SORCS3: variants seen among roughly 807,000 people sequenced by gnomAD.
SORCS3 encodes sortilin related VPS10 domain containing receptor 3.
In SORCS3, 57 loss-of-function variants were observed where a neutral mutation model predicts 146.3. The observed-to-expected ratio is 0.39, with a 90% CI of 0.31 to 0.49. SORCS3 has a LOEUF of 0.49. Ranked by LOEUF, SORCS3 falls within the 20% of genes least tolerant of loss-of-function variation. SORCS3 has a pLI of 0.92. For synonymous variants in SORCS3, 653 were observed against 618.5 expected (o/e 1.06, Z -0.83); for missense variants, 1,341 against 1,575.5 (o/e 0.85, Z 2.52).
At chr10:104,994,841 T>C (rs896648674) in intron 4 of SORCS3, among the ~76,000 whole-genome samples, 6 of 152,210 alleles carry the variant, frequency 3.9e-5, no homozygotes, top group Non-Finnish European at 8.8e-5. Context: ...AGTTTATCCA[T>C]CCACATGTTA....
intron 5 of SORCS3, among the ~76,000 whole-genome samples, chr10:105,089,325 T>C (rs1306790550): frequency 6.6e-6 from 1 of 152,140 alleles, no homozygotes; most frequent in African/African-American, 2.4e-5. Flanking sequence ...ACTGAGGCAA[T>C]ACCGTGTTCC....
intron 1 of SORCS3, among the ~76,000 whole-genome samples, chr10:104,779,859 C>T (rs146418978): frequency 8.6e-4 from 131 of 152,248 alleles, no homozygotes; most frequent in Middle Eastern, 3.4e-3. Flanking sequence ...CCGCGCGCTC[C>T]GCCATGTTGA....
intron 1 of SORCS3, among the ~76,000 whole-genome samples, chr10:104,803,591 TTCTATAA>T (rs1329575482): frequency 1.3e-5 from 2 of 152,192 alleles, no homozygotes; most frequent in African/African-American, 4.8e-5. Flanking sequence ...TGTAAGCACT[TTCTATAA>T]TCCTGTGTGT....
At chr10:105,218,899 C>T (rs2056680964) in intron 19 of SORCS3, among the ~76,000 whole-genome samples, 1 of 152,100 alleles carries the variant, frequency 6.6e-6, no homozygotes, top group African/African-American at 2.4e-5. Context: ...CCTGTAGTCC[C>T]AGCTACTAGG....
chr10:105,221,796 T>G (rs1417535153), intron 19 of SORCS3, among the ~76,000 whole-genome samples: 1 of 152,170 alleles, frequency 6.6e-6, no homozygotes, highest in East Asian at 1.9e-4. Context: ...CTTCAATTAC[T>G]TGTTCTTATC....
At chr10:104,642,022 G>GGGGCGGGGCCCCCC in intron 1 of SORCS3, 68 bp downstream of exon 1, 1 of 173,336 alleles carries the variant, frequency 5.8e-6, no homozygotes. Flanking sequence ...GGGTGGGTGG[G>GGGGCGGGGCCCCCC]AGCGAGGGAC....
Position 104,908,530 on chromosome 10 carries a change from G to C in SORCS3, c.696-7303G>C, listed in dbSNP as rs139684129. ...ACTCTATTGTCTGAGCTGAGGTTCA[G>C]AGACATGAAAAGCTTGCACAGCTAG... On this transcript the variant is annotated intron_variant, in intron 2 of 26. Coordinates refer to ENST00000369701, the MANE Select transcript of SORCS3 (RefSeq NM_014978.3). 5.6e-3 allele frequency among the ~76,000 whole-genome samples: 858 copies of C among 152,290 alleles called. 10 individuals carry two copies. The highest frequency in any genetic ancestry group is 0.02 in the South Asian group (95 of 4,820).
chr10:104,737,589 G>A (rs2016789588), intron 1 of SORCS3, among the ~76,000 whole-genome samples: 1 of 152,192 alleles, frequency 6.6e-6, no homozygotes, highest in African/African-American at 2.4e-5. Flanking sequence ...TTTGAGAAGT[G>A]TCTGTTCATA....
Position 105,217,028 on chromosome 10 carries a change from G to GCACA in SORCS3, c.2643_2644insACAC (p.Val882ThrfsTer4). On this transcript the variant is annotated frameshift_variant, in exon 19 of 27. Coordinates refer to ENST00000369701, the MANE Select transcript of SORCS3 (RefSeq NM_014978.3). LOFTEE classifies it high-confidence loss of function. Reference sequence around the variant, plus strand: ...TCAGCCCCATCGAGGACGGCATCAAGCACGTGTATAAGAGTGCGGGGATCT... The same window carrying GCACA: ...TCAGCCCCATCGAGGACGGCATCAAGCACACACGTGTATAAGAGTGCGGGGATCT... 1 of 1,614,172 alleles carries GCACA rather than the reference G, an allele frequency of 6.2e-7. No homozygotes were observed. The highest frequency in any genetic ancestry group is 8.5e-7 in the Non-Finnish European group (1 of 1,180,020).
chr10:105,222,203 C>T (rs906040844), intron 19 of SORCS3, among the ~76,000 whole-genome samples: 4 of 151,770 alleles, frequency 2.6e-5, no homozygotes, highest in Non-Finnish European at 5.9e-5. Context: ...GGATTAAAAG[C>T]GGCTGCCACC....
At chr10:104,906,574 C>T (rs1191496679) in intron 2 of SORCS3, among the ~76,000 whole-genome samples, 1 of 152,198 alleles carries the variant, frequency 6.6e-6, no homozygotes, top group East Asian at 1.9e-4. Context: ...AAGAACACAA[C>T]ATTTAGATTC....
At chr10:105,247,857 A>G (rs2056876557) in intron 22 of SORCS3, among the ~76,000 whole-genome samples, 1 of 152,184 alleles carries the variant, frequency 6.6e-6, no homozygotes, top group African/African-American at 2.4e-5. Flanking sequence ...AACTGGCCCA[A>G]TGTTTATTAT....
intron 1 of SORCS3, among the ~76,000 whole-genome samples, chr10:104,825,231 C>T (rs779254060): frequency 1.1e-4 from 17 of 152,120 alleles, no homozygotes; most frequent in Admixed American, 3.9e-4. Context: ...TGCATGCTGA[C>T]GGCTTACTGT....
At chr10:105,029,841 T>A (rs1398666005) in intron 4 of SORCS3, among the ~76,000 whole-genome samples, 1 of 152,218 alleles carries the variant, frequency 6.6e-6, no homozygotes, top group Non-Finnish European at 1.5e-5. Flanking sequence ...CCTCAAGAAT[T>A]ACCTGAACAG....
intron 4 of SORCS3, among the ~76,000 whole-genome samples, chr10:105,040,952 AATGAATATGCTAAATATATATATTTAGC>A (rs2055333910): frequency 1.3e-5 from 2 of 149,408 alleles, no homozygotes; most frequent in Non-Finnish European, 3.0e-5. Context: ...TCATCTATAA[AATGAATATGCTAAATATATATATTTAGC>A]ATATATAAAT....
At chr10:104,853,711 G>A (rs2018298940) in intron 2 of SORCS3, among the ~76,000 whole-genome samples, 1 of 152,238 alleles carries the variant, frequency 6.6e-6, no homozygotes, top group African/African-American at 2.4e-5. Flanking sequence ...TCTATGCATA[G>A]AGAGACTGGG....
At chr10:104,932,737 G>A (rs541660219) in intron 3 of SORCS3, among the ~76,000 whole-genome samples, 1 of 152,142 alleles carries the variant, frequency 6.6e-6, no homozygotes, top group Non-Finnish European at 1.5e-5. Context: ...TTGTTGTCAA[G>A]CCTAGAGTGC....
At chr10:105,128,838 G>T (rs376797067) in intron 7 of SORCS3, among the ~76,000 whole-genome samples, 30 of 152,164 alleles carry the variant, frequency 2.0e-4, no homozygotes, top group Non-Finnish European at 3.8e-4. Context: ...CATTGTGTTT[G>T]TAGAGCATTT....
intron 4 of SORCS3, among the ~76,000 whole-genome samples, chr10:104,984,207 A>G (rs890724124): frequency 1.3e-5 from 2 of 152,198 alleles, no homozygotes. Context: ...AAATACTTTA[A>G]ATGTTAATAT....
Sources: allele counts gnomAD v4.1 joint callset (sites outside exome capture counted in the v4.1 genomes callset), GRCh38; gene constraint gnomAD v4.1.1; transcripts MANE v1.5; gene names NCBI Gene and HGNC (gene_info 2026-07-23, HGNC 2026-07-21).